ST7: variants seen among roughly 807,000 people sequenced by gnomAD.
The protein encoded by ST7 is suppressor of tumorigenicity 7 protein.
In ST7, 28 loss-of-function variants were observed where a neutral mutation model predicts 78.7. The observed-to-expected ratio is 0.36, with a 90% CI of 0.26 to 0.49. ST7 has a LOEUF of 0.49. ST7 is among the 20% of genes least tolerant of loss of function. The probability of loss-of-function intolerance (pLI) is 0.99; values close to 1 mark genes in which losing one functional copy is unlikely to be tolerated. For missense variants in ST7, 418 were observed against 696.0 expected (o/e 0.60, Z 4.49); for synonymous variants, 247 against 249.6 (o/e 0.99, Z 0.10).
intron 1 of ST7, among the ~76,000 whole-genome samples, chr7:117,062,064 G>C (rs1798384962): frequency 6.6e-6 from 1 of 152,122 alleles, no homozygotes; most frequent in Admixed American, 6.5e-5. Context: ...CTTTCTTTCT[G>C]GCTTGCAGAA....
intron 1 of ST7, among the ~76,000 whole-genome samples, chr7:117,049,637 T>C (rs1215136871): frequency 6.6e-6 from 1 of 152,226 alleles, no homozygotes; most frequent in Non-Finnish European, 1.5e-5. Flanking sequence ...AAAAAGTGCA[T>C]GTGTTTTGTG....
chr7:117,045,072 G>A (rs1391124811), intron 1 of ST7, among the ~76,000 whole-genome samples: 1 of 152,072 alleles, frequency 6.6e-6, no homozygotes, highest in Non-Finnish European at 1.5e-5. Flanking sequence ...AGTAAGTGTT[G>A]TTGACTTTAC....
At chr7:117,130,435 A>G (rs1804250737) in intron 4 of ST7, 56 bp from the exon 5 acceptor site, 2 of 1,285,194 alleles carry the variant, frequency 1.6e-6, no homozygotes, top group Admixed American at 1.9e-5. Context: ...TTAATATTTT[A>G]TAGGTCTTGC....
chr7:117,178,382 T>C (rs1808497602), intron 10 of ST7, among the ~76,000 whole-genome samples: 1 of 151,972 alleles, frequency 6.6e-6, no homozygotes, highest in South Asian at 2.1e-4. Context: ...GCTCAGTGAG[T>C]CTGTTTGAAA....
At chr7:117,226,229 CCTT>C (rs1793437382) in intron 15 of ST7, among the ~76,000 whole-genome samples, 1 of 152,144 alleles carries the variant, frequency 6.6e-6, no homozygotes, top group Non-Finnish European at 1.5e-5. Context: ...GGAGCCGTGA[CCTT>C]CTAAGTGATG....
chr7:117,003,578 C>T (rs1384930979), intron 1 of ST7, among the ~76,000 whole-genome samples: 4 of 152,210 alleles, frequency 2.6e-5, no homozygotes, highest in Non-Finnish European at 4.4e-5. Flanking sequence ...AGCCACTGCG[C>T]CTGGCCATGC....
At chr7:116,966,986 TAAA>T (rs1793150730) in intron 1 of ST7, among the ~76,000 whole-genome samples, 1 of 152,112 alleles carries the variant, frequency 6.6e-6, no homozygotes, top group South Asian at 2.1e-4. Context: ...TTCAAATCAA[TAAA>T]AAATTAATGT....
intron 1 of ST7, among the ~76,000 whole-genome samples, chr7:117,069,795 T>C (rs1798834980): frequency 6.6e-6 from 1 of 152,212 alleles, no homozygotes; most frequent in Non-Finnish European, 1.5e-5. Flanking sequence ...TTTTAGGCTC[T>C]TCCCTTCAGT....
At chr7:117,006,778 T>G (rs1051231876) in intron 1 of ST7, among the ~76,000 whole-genome samples, 2 of 152,234 alleles carry the variant, frequency 1.3e-5, no homozygotes, top group African/African-American at 4.8e-5. Context: ...TCACTTCATG[T>G]CTCTGACTCA....
At chr7:117,128,835 C>A (rs1804091660) in intron 3 of ST7, among the ~76,000 whole-genome samples, 1 of 151,862 alleles carries the variant, frequency 6.6e-6, no homozygotes, top group Non-Finnish European at 1.5e-5. Context: ...CTTTGGATTT[C>A]TGCAATAATT....
chr7:117,010,328 C>G (rs1229005101), intron 1 of ST7, among the ~76,000 whole-genome samples: 1 of 152,162 alleles, frequency 6.6e-6, no homozygotes, highest in African/African-American at 2.4e-5. Context: ...GAGTAGAGCC[C>G]AGTAATGGGA....
intron 9 of ST7, among the ~76,000 whole-genome samples, chr7:117,168,253 G>A (rs1219708205): frequency 6.6e-6 from 1 of 152,098 alleles, no homozygotes; most frequent in South Asian, 2.1e-4. Context: ...GTTGGAACTG[G>A]GTGAGACCTC....
chr7:116,966,884 T>G (rs1793145826), intron 1 of ST7, among the ~76,000 whole-genome samples: 1 of 152,240 alleles, frequency 6.6e-6, no homozygotes, highest in Non-Finnish European at 1.5e-5. Context: ...TAACTATTGC[T>G]TCTTGCAGCA....
At chr7:117,012,588 T>A (rs1795432895) in intron 1 of ST7, among the ~76,000 whole-genome samples, 1 of 152,166 alleles carries the variant, frequency 6.6e-6, no homozygotes, top group African/African-American at 2.4e-5. Flanking sequence ...CTTTTGTCAA[T>A]TTATAAGTAA....
intron 9 of ST7, among the ~76,000 whole-genome samples, chr7:117,144,860 A>G (rs943109181): frequency 3.3e-5 from 5 of 152,194 alleles, no homozygotes; most frequent in African/African-American, 1.2e-4. Flanking sequence ...ATTTAAAAAT[A>G]AAGATTGAGA....
At chr7:117,170,803 C>A in intron 9 of ST7, 59 bp from the exon 10 acceptor site, 2 of 709,022 alleles carry the variant, frequency 2.8e-6, no homozygotes, top group Non-Finnish European at 4.2e-6. Flanking sequence ...AAAATATGTA[C>A]AATAAAATTA....
At chr7:117,023,874 A>G (rs1796055794) in intron 1 of ST7, among the ~76,000 whole-genome samples, 1 of 151,850 alleles carries the variant, frequency 6.6e-6, no homozygotes, top group South Asian at 2.1e-4. Flanking sequence ...CAGTGGCACA[A>G]TCTTGGCTCA....
intron 10 of ST7, among the ~76,000 whole-genome samples, chr7:117,179,647 A>G (rs2117316525): frequency 6.9e-6 from 1 of 145,928 alleles, no homozygotes; most frequent in East Asian, 2.2e-4. Flanking sequence ...GAGCAGAGGG[A>G]TGAGGAGGGA....
chr7:117,188,332 A>G (rs1478001501), intron 10 of ST7, among the ~76,000 whole-genome samples: 1 of 152,226 alleles, frequency 6.6e-6, no homozygotes. Context: ...AGGGGCAAAG[A>G]GTTCCTCTAA....
Sources: gnomAD v4.1 joint callset for allele counts (sites outside exome capture counted in the v4.1 genomes callset) on GRCh38, gnomAD v4.1.1 for gene constraint, MANE v1.5 for transcripts, NCBI Gene and HGNC (gene_info 2026-07-23, HGNC 2026-07-21) for gene names.